Variants in ATRNL1 observed in about 807,000 individuals in gnomAD.
ATRNL1 encodes attractin like 1, also known as attractin-like protein 1.
ATRNL1 carries 95 observed loss-of-function variants against 182.7 expected under a neutral mutation model. That is an observed-to-expected ratio of 0.52 (90% confidence interval 0.44 to 0.62). The LOEUF is 0.62. Among genes scored for constraint, ATRNL1 ranks in the 20% least tolerant of loss-of-function variants. The pLI, the probability that ATRNL1 is intolerant of heterozygous loss-of-function variation, is 0.00. For synonymous variants in ATRNL1, 576 were observed against 568.3 expected, an observed-to-expected ratio of 1.01 and a Z score of -0.19; for missense variants, 1,471 against 1,679.5, an observed-to-expected ratio of 0.88 and a Z score of 2.17.
intron 27 of ATRNL1, among the ~76,000 whole-genome samples, chr10:115,791,123 C>T (rs1949521705): frequency 6.6e-6 from 1 of 152,098 alleles, no homozygotes; most frequent in Admixed American, 6.6e-5. Flanking sequence ...AATCTTTTCT[C>T]CCCCAGGTCC....
intron 28 of ATRNL1, among the ~76,000 whole-genome samples, chr10:115,873,613 G>C (rs1276876688): frequency 6.6e-6 from 1 of 152,198 alleles, no homozygotes; most frequent in African/African-American, 2.4e-5. Flanking sequence ...CAGAAAGGGA[G>C]GAGTGAGGAC....
chr10:115,387,478 A>T (rs1660107515), intron 19 of ATRNL1, among the ~76,000 whole-genome samples: 1 of 152,198 alleles, frequency 6.6e-6, no homozygotes, highest in Non-Finnish European at 1.5e-5. Flanking sequence ...TTCAGGTAAC[A>T]CAAAATTATT....
intron 26 of ATRNL1, among the ~76,000 whole-genome samples, chr10:115,622,985 G>T (rs1196448947): frequency 6.6e-6 from 1 of 151,952 alleles, no homozygotes; most frequent in African/African-American, 2.4e-5. Flanking sequence ...CTGCTAACAG[G>T]TTGTCTTTAT....
At chr10:115,605,775 A>C (rs1469395925) in intron 26 of ATRNL1, among the ~76,000 whole-genome samples, 5 of 152,010 alleles carry the variant, frequency 3.3e-5, no homozygotes, top group African/African-American at 9.7e-5. Flanking sequence ...CCATGATTGC[A>C]CCACTGTATT....
intron 25 of ATRNL1, among the ~76,000 whole-genome samples, chr10:115,539,638 G>A (rs1852236650): frequency 1.3e-5 from 2 of 152,260 alleles, no homozygotes; most frequent in African/African-American, 2.4e-5. Context: ...GAGAATGAGG[G>A]AGACCTCCCT....
chr10:115,737,749 T>G (rs2804170), intron 27 of ATRNL1, among the ~76,000 whole-genome samples: 144,475 of 152,178 alleles, frequency 0.95, 69,015 homozygotes, highest in East Asian at 1. Context: ...TCAGAGAGAA[T>G]GAGGACTCAG....
At chr10:115,228,456 A>G (rs1311197417) in intron 9 of ATRNL1, among the ~76,000 whole-genome samples, 1 of 152,218 alleles carries the variant, frequency 6.6e-6, no homozygotes, top group African/African-American at 2.4e-5. Context: ...GCCTTGTTAA[A>G]TGAGGCATCT....
rs569464335 is a variant in ATRNL1 at position 115,485,829 on chromosome 10, G to A, written c.3654+16500G>A. On this transcript the variant is annotated intron_variant, in intron 24 of 28. Coordinates refer to ENST00000355044, the MANE Select transcript of ATRNL1 (RefSeq NM_207303.4). ...TACATAGGTATACACGTGCCATGGT[G>A]GTTTGCTGCACCCATCAACCTGTTA... is the stretch of plus-strand genomic sequence containing the variant. 2.6e-5 allele frequency among the ~76,000 whole-genome samples: 4 copies of A among 152,098 alleles called. No individual in the cohort carries two copies. The East Asian group carries it at 7.7e-4, about 29-fold the overall frequency.
chr10:115,846,671 A>G (rs1357358744), intron 27 of ATRNL1, among the ~76,000 whole-genome samples: 2 of 152,070 alleles, frequency 1.3e-5, no homozygotes, highest in African/African-American at 2.4e-5. Flanking sequence ...CAAAGATCAC[A>G]TTGTGTTTAA....
chr10:115,332,769 C>G (rs1855287369), intron 18 of ATRNL1, among the ~76,000 whole-genome samples: 1 of 151,434 alleles, frequency 6.6e-6, no homozygotes, highest in Non-Finnish European at 1.5e-5. Context: ...GGGAATTCCT[C>G]TCACTTTCAG....
chr10:115,688,087 T>C (rs1449664286), intron 26 of ATRNL1, among the ~76,000 whole-genome samples: 2 of 152,136 alleles, frequency 1.3e-5, no homozygotes, highest in East Asian at 3.8e-4. Flanking sequence ...TGTGCCTGGC[T>C]TGTTTCACTT....
At chr10:115,745,304 A>G (rs1948259909) in intron 27 of ATRNL1, among the ~76,000 whole-genome samples, 1 of 152,060 alleles carries the variant, frequency 6.6e-6, no homozygotes, top group South Asian at 2.1e-4. Context: ...GCCATTACGT[A>G]TCAGTAGTTT....
chr10:115,209,037 A>C (rs1848913586), intron 8 of ATRNL1, among the ~76,000 whole-genome samples: 1 of 151,872 alleles, frequency 6.6e-6, no homozygotes, highest in African/African-American at 2.4e-5. Context: ...ATAAAAGTAA[A>C]AAATAAAAAT....
intron 27 of ATRNL1, among the ~76,000 whole-genome samples, chr10:115,745,243 T>C (rs1425646412): frequency 6.6e-6 from 1 of 152,082 alleles, no homozygotes. Context: ...TGCAGACTTC[T>C]GTGTCTTGTT....
intron 19 of ATRNL1, among the ~76,000 whole-genome samples, chr10:115,348,233 A>G (rs568073269): frequency 1.3e-4 from 20 of 152,296 alleles, no homozygotes; most frequent in Admixed American, 5.9e-4. Flanking sequence ...TTGACCTCCC[A>G]AAGTGCTGGA....
At chr10:115,228,815 G>C (rs1266495007) in intron 9 of ATRNL1, among the ~76,000 whole-genome samples, 1 of 140,922 alleles carries the variant, frequency 7.1e-6, no homozygotes, top group Admixed American at 7.5e-5. Context: ...TCCCAGGCTA[G>C]AGTGCAGTGG....
At chr10:115,110,104 CTGAGT>C (rs1554867512) in intron 1 of ATRNL1, among the ~76,000 whole-genome samples, 1 of 151,884 alleles carries the variant, frequency 6.6e-6, no homozygotes, top group Non-Finnish European at 1.5e-5. Flanking sequence ...TTTTACCATC[CTGAGT>C]TATCAAAGCA....
chr10:115,871,469 T>TATATATATATATATATATATA (rs1951579875), intron 28 of ATRNL1, among the ~76,000 whole-genome samples: 10 of 140,320 alleles, frequency 7.1e-5, no homozygotes, highest in African/African-American at 2.4e-4. Context: ...GTCAGATTCT[T>TATATATATATATATATATATA]TGTGTGTGTG....
chr10:115,429,878 T>C (rs562673050), intron 21 of ATRNL1, among the ~76,000 whole-genome samples: 8 of 152,042 alleles, frequency 5.3e-5, no homozygotes, highest in African/African-American at 1.9e-4. Context: ...CCATCCTGGC[T>C]AACGCGTTGA....
Sources: gnomAD v4.1 joint callset for allele counts (sites outside exome capture counted in the v4.1 genomes callset) on GRCh38, gnomAD v4.1.1 for gene constraint, MANE v1.5 for transcripts, NCBI Gene and HGNC (gene_info 2026-07-23, HGNC 2026-07-21) for gene names.